Variants in LYRM7 observed in about 807,000 individuals in gnomAD.
The protein encoded by LYRM7 is LYR motif containing 7.
A neutral mutation model predicts 15.8 loss-of-function variants in LYRM7; 9 were observed. The observed-to-expected ratio is 0.57, with a 90% CI of 0.34 to 0.99. The LOEUF (loss-of-function observed/expected upper bound fraction) is 0.99, where lower values mean the gene tolerates loss of function less well. Among genes scored for constraint, LYRM7 ranks in the 50% least tolerant of loss-of-function variants. The probability of loss-of-function intolerance (pLI) is 0.02; values close to 1 mark genes in which losing one functional copy is unlikely to be tolerated. For missense variants in LYRM7, 115 were observed against 119.1 expected, an observed-to-expected ratio of 0.97 and a Z score of 0.16; for synonymous variants, 39 against 39.4, an observed-to-expected ratio of 0.99 and a Z score of 0.04.
intron 3 of LYRM7, among the ~76,000 whole-genome samples, chr5:131,183,786 T>G (rs1177965051): frequency 2.0e-5 from 3 of 152,150 alleles, no homozygotes; most frequent in Non-Finnish European, 4.4e-5. Flanking sequence ...CCCAAAAAGC[T>G]TTGTTTATAT....
intron 1 of LYRM7, among the ~76,000 whole-genome samples, chr5:131,176,579 T>G (rs973765511): frequency 2.6e-5 from 4 of 152,022 alleles, no homozygotes; most frequent in African/African-American, 9.7e-5. Flanking sequence ...TTTTTCTTAA[T>G]TTTATTTTAG....
intron 4 of LYRM7, among the ~76,000 whole-genome samples, chr5:131,191,384 A>T (rs117999640): frequency 6.6e-6 from 1 of 152,248 alleles, no homozygotes; most frequent in East Asian, 1.9e-4. Context: ...AAAAAATATA[A>T]TGTCTCAAAA....
chr5:131,184,642 G>GCGGGT (rs947647651), intron 3 of LYRM7, among the ~76,000 whole-genome samples: 2 of 142,330 alleles, frequency 1.4e-5, no homozygotes, highest in African/African-American at 5.8e-5. Context: ...TTTTTTGGCG[G>GCGGGT]GGGGGGGGTT....
At chr5:131,175,524 GTTTGTTTTGTTTTGT>G (rs367920351) in intron 1 of LYRM7, among the ~76,000 whole-genome samples, 1 of 151,236 alleles carries the variant, frequency 6.6e-6, no homozygotes, top group Non-Finnish European at 1.5e-5. Flanking sequence ...GGGTGTGTTT[GTTTGTTTTGTTTTGT>G]TTTGTTTTGT....
rs1756073323 is a variant in LYRM7 at position 131,201,846 on chromosome 5, A to AT, written c.*2251dup. The AT allele has an allele frequency of 6.6e-6, 1 of 152,144 alleles. No individual in the cohort carries two copies. The highest frequency in any genetic ancestry group is 1.5e-5 in the Non-Finnish European group (1 of 68,026). The allele number at this position is 152,144 out of a possible 1,614,324, so 9.4% of individuals were successfully genotyped here. On this transcript the variant is annotated 3_prime_UTR_variant, in exon 5 of 5. Coordinates refer to ENST00000379380, the MANE Select transcript of LYRM7 (RefSeq NM_181705.4). The stretch of plus-strand genomic sequence containing the variant: ...ATAGCATATGCTAATTTATTTATTT[A>AT]TTTTTTGAGATTGAGTTCTGCTGTG...
chr5:131,173,409 T>C (rs940348410), intron 1 of LYRM7, among the ~76,000 whole-genome samples: 2 of 152,236 alleles, frequency 1.3e-5, no homozygotes, highest in African/African-American at 4.8e-5. Context: ...GTTTACACTA[T>C]AATGTAGTCT....
At chr5:131,195,082 C>T (rs1454250271) in intron 4 of LYRM7, among the ~76,000 whole-genome samples, 1 of 152,090 alleles carries the variant, frequency 6.6e-6, no homozygotes, top group Non-Finnish European at 1.5e-5. Context: ...CCCTGGCCAA[C>T]ATGGTGAAAC....
At chr5:131,192,093 T>C (rs1174414622) in intron 4 of LYRM7, among the ~76,000 whole-genome samples, 15 of 150,128 alleles carry the variant, frequency 1.0e-4, no homozygotes, top group Middle Eastern at 3.5e-3. Flanking sequence ...TGCAATATTA[T>C]TCAGCCATAA....
chr5:131,181,694 G>A (rs1235452955), intron 2 of LYRM7, among the ~76,000 whole-genome samples: 1 of 151,442 alleles, frequency 6.6e-6, no homozygotes, highest in African/African-American at 2.4e-5. Flanking sequence ...AAAGTATGCT[G>A]CTATAATGAT....
At position 131,189,444 on chromosome 5, in the gene LYRM7, C is replaced by CAAAAA. The variant is rs71000976; in HGVS notation, c.244+2358_244+2362dup. Among the ~76,000 whole-genome samples, 98 of 46,178 alleles carry CAAAAA rather than the reference C, an allele frequency of 2.1e-3. 12 individuals carry two copies. Among genetic ancestry groups the CAAAAA allele is most frequent in the African/African-American group, 7.3e-3 (94 of 12,812 alleles). 30.3% of individuals were successfully genotyped at this position (46,178 alleles called of 152,430 possible). A position where few individuals can be genotyped will look rare whatever the true frequency, so the allele number is the denominator to read the frequency against. On this transcript the variant is annotated intron_variant, in intron 4 of 4. Coordinates refer to ENST00000379380, the MANE Select transcript of LYRM7 (RefSeq NM_181705.4). Reference sequence around the variant, plus strand: ...GGCAACAGAGCAAGACTCCGTCTCCCAAAAAAAAAAAAAAAAAAAAAAAAA... The same window carrying CAAAAA: ...GGCAACAGAGCAAGACTCCGTCTCCCAAAAAAAAAAAAAAAAAAAAAAAAAAAAAA...
At position 131,201,563 on chromosome 5, in the gene LYRM7, T is replaced by A. The variant is rs983345399; in HGVS notation, c.*1962T>A. The A allele has an allele frequency of 1.3e-5, 2 of 150,992 alleles. No individual in the cohort carries two copies. The highest frequency in any genetic ancestry group is 4.2e-4 in the South Asian group (2 of 4,782). 9.4% of individuals were successfully genotyped at this position (150,992 alleles called of 1,614,324 possible). On this transcript the variant is annotated 3_prime_UTR_variant, in exon 5 of 5. Coordinates refer to ENST00000379380, the MANE Select transcript of LYRM7 (RefSeq NM_181705.4). ...GAAACCCTGTCTCTACTAAAAAAAA[T>A]ACAGAATTAGCCAGGTGTGGTGGCA...
chr5:131,190,339 G>A (rs1755865686), intron 4 of LYRM7, among the ~76,000 whole-genome samples: 1 of 151,882 alleles, frequency 6.6e-6, no homozygotes. Context: ...GATATTACAA[G>A]CGTGTACCGC....
Position 131,189,976 on chromosome 5 carries a change from T to C in LYRM7, c.244+2867T>C, listed in dbSNP as rs146189212. On this transcript the variant is annotated intron_variant, in intron 4 of 4. Transcript: ENST00000379380. ...AGTAAAACCCTGTCTCTACCAGAAATACGAAAAATTCACCAGGCATGGTAA... is the reference window on the plus strand; with the variant it reads ...AGTAAAACCCTGTCTCTACCAGAAACACGAAAAATTCACCAGGCATGGTAA... Among the ~76,000 whole-genome samples the C allele has an allele frequency of 6.3e-4, 96 of 151,410 alleles. 2 individuals are homozygous for C. The East Asian group carries it at 0.017, about 27-fold the overall frequency.
chr5:131,171,654 C>T (rs1194787486), intron 1 of LYRM7: 1 of 152,158 alleles, frequency 6.6e-6, no homozygotes, highest in East Asian at 1.9e-4. Flanking sequence ...ACGTTCCTGC[C>T]CGGCGCACAA....
chr5:131,182,320 A>G, intron 3 of LYRM7, 21 bp downstream of exon 3: 1 of 1,362,774 alleles, frequency 7.3e-7, no homozygotes, highest in South Asian at 1.3e-5. Flanking sequence ...TTTTTCAATT[A>G]TAGTAAAACT....
Position 131,201,813 on chromosome 5 carries a change from A to C in LYRM7, c.*2212A>C, listed in dbSNP as rs187516820. 10 of 152,292 alleles carry C rather than the reference A, an allele frequency of 6.6e-5. No individual in the cohort carries two copies. The highest frequency in any genetic ancestry group is 2.2e-4 in the African/African-American group (9 of 41,554). The allele number at this position is 152,292 out of a possible 1,614,324, so 9.4% of individuals were successfully genotyped here. A position where few individuals can be genotyped will look rare whatever the true frequency, so the allele number is the denominator to read the frequency against. On this transcript the variant is annotated 3_prime_UTR_variant, in exon 5 of 5. Coordinates refer to ENST00000379380, the MANE Select transcript of LYRM7 (RefSeq NM_181705.4). ...AAAATTCTGAAAGATGTCGCACTCT[A>C]TTCTTATATAGCATATGCTAATTTA...
intron 3 of LYRM7, 109 bp downstream of exon 3, chr5:131,182,408 AGGC>A: frequency 9.6e-7 from 1 of 1,037,424 alleles, no homozygotes; most frequent in South Asian, 1.8e-5. Flanking sequence ...TTGATAGTTA[AGGC>A]CATCACAACT....
intron 1 of LYRM7, among the ~76,000 whole-genome samples, chr5:131,177,084 A>G (rs1016444073): frequency 3.3e-5 from 5 of 152,048 alleles, no homozygotes. Context: ...CCATTTCTTC[A>G]TCTTTAAATT....
intron 4 of LYRM7, among the ~76,000 whole-genome samples, chr5:131,199,078 TC>T (rs1756016902): frequency 6.6e-6 from 1 of 152,134 alleles, no homozygotes; most frequent in African/African-American, 2.4e-5. Context: ...CCAGTAGCAT[TC>T]TCCAGTTGAT....
Sources: gnomAD v4.1 joint callset for allele counts (sites outside exome capture counted in the v4.1 genomes callset) on GRCh38, gnomAD v4.1.1 for gene constraint, MANE v1.5 for transcripts, NCBI Gene and HGNC (gene_info 2026-07-23, HGNC 2026-07-21) for gene names.